Variants in ODAD2 observed in about 807,000 individuals in gnomAD.
ODAD2 encodes the protein outer dynein arm docking complex subunit 2, also known as outer dynein arm-docking complex subunit 2.
ODAD2 carries 89 observed loss-of-function variants against 106.8 expected under a neutral mutation model. The observed-to-expected ratio is 0.83, with a 90% CI of 0.70 to 0.99. ODAD2 has a LOEUF of 0.99. Ranked by LOEUF, ODAD2 falls within the 50% of genes least tolerant of loss-of-function variation. ODAD2 has a pLI of 0.00. For missense variants in ODAD2, 1,168 were observed against 1,238.5 expected (o/e 0.94, Z 0.85); for synonymous variants, 404 against 436.2 (o/e 0.93, Z 0.92).
intron 16 of ODAD2, among the ~76,000 whole-genome samples, chr10:27,913,230 A>C (rs1844132017): frequency 6.6e-6 from 1 of 152,056 alleles, no homozygotes; most frequent in Non-Finnish European, 1.5e-5. Flanking sequence ...TTTGTTACCC[A>C]GATAATAAGC....
chr10:27,993,990 G>A (rs1181215771), intron 2 of ODAD2, among the ~76,000 whole-genome samples: 1 of 151,286 alleles, frequency 6.6e-6, no homozygotes, highest in African/African-American at 2.4e-5. Flanking sequence ...GTGTGTGTGT[G>A]TGTGTGTGTG....
At chr10:27,933,831 G>A (rs766599376) in intron 16 of ODAD2, among the ~76,000 whole-genome samples, 2 of 152,296 alleles carry the variant, frequency 1.3e-5, no homozygotes, top group Non-Finnish European at 2.9e-5. Context: ...ATTCCTTAGT[G>A]TCTGAAACAC....
At chr10:27,982,460 T>C (rs1849613932) in intron 6 of ODAD2, among the ~76,000 whole-genome samples, 1 of 152,184 alleles carries the variant, frequency 6.6e-6, no homozygotes, top group Non-Finnish European at 1.5e-5. Flanking sequence ...AGAAAATCAT[T>C]CCTTCTTTTG....
chr10:27,839,676 CAT>C (rs1311312758), intron 19 of ODAD2, among the ~76,000 whole-genome samples: 1 of 152,124 alleles, frequency 6.6e-6, no homozygotes. Flanking sequence ...GTGGTTTAAA[CAT>C]AAAGTTGGGA....
chr10:27,935,717 C>T (rs374157754), intron 15 of ODAD2, among the ~76,000 whole-genome samples: 1 of 137,654 alleles, frequency 7.3e-6, no homozygotes, highest in South Asian at 2.3e-4. Context: ...AAAAAAAAGT[C>T]ACTCTCAGGT....
chr10:27,885,792 TAA>T (rs1345658024), intron 17 of ODAD2, among the ~76,000 whole-genome samples: 2,111 of 56,160 alleles, frequency 0.038, 131 homozygotes, highest in East Asian at 0.14. Flanking sequence ...ATATTATATA[TAA>T]TATATATAAA....
intron 17 of ODAD2, among the ~76,000 whole-genome samples, chr10:27,881,053 C>G (rs753392647): frequency 6.6e-6 from 1 of 152,174 alleles, no homozygotes; most frequent in African/African-American, 2.4e-5. Flanking sequence ...AACTACTTAA[C>G]TTCTCTAAGC....
intron 17 of ODAD2, among the ~76,000 whole-genome samples, chr10:27,905,690 C>T (rs1238440648): frequency 6.6e-6 from 1 of 152,134 alleles, no homozygotes; most frequent in African/African-American, 2.4e-5. Flanking sequence ...TGGAACAGAA[C>T]AGAGGCCTCA....
At chr10:27,829,696 A>T (rs1205988922) in intron 19 of ODAD2, among the ~76,000 whole-genome samples, 2 of 152,200 alleles carry the variant, frequency 1.3e-5, no homozygotes, top group African/African-American at 4.8e-5. Flanking sequence ...TTAATAAGCA[A>T]CTAGATATTA....
At chr10:27,950,923 A>G (rs932891772) in intron 10 of ODAD2, among the ~76,000 whole-genome samples, 6 of 152,204 alleles carry the variant, frequency 3.9e-5, no homozygotes, top group Non-Finnish European at 5.9e-5. Flanking sequence ...TAGTTCAATA[A>G]AGTGGACACA....
intron 17 of ODAD2, among the ~76,000 whole-genome samples, chr10:27,874,620 G>A (rs1841177594): frequency 6.6e-6 from 1 of 152,126 alleles, no homozygotes; most frequent in Non-Finnish European, 1.5e-5. Context: ...ATGAAGCTTA[G>A]TTTGGCTGGC....
At chr10:27,815,891 C>A (rs1589735300) in intron 19 of ODAD2, among the ~76,000 whole-genome samples, 2 of 152,202 alleles carry the variant, frequency 1.3e-5, no homozygotes, top group South Asian at 4.1e-4. Flanking sequence ...GCCATCTCCA[C>A]TTGGAAGTCT....
intron 9 of ODAD2, among the ~76,000 whole-genome samples, chr10:27,966,357 C>G (rs561400215): frequency 3.9e-5 from 6 of 152,156 alleles, no homozygotes; most frequent in Non-Finnish European, 8.8e-5. Flanking sequence ...TTGAGGAAAG[C>G]CTAAATTCAC....
chr10:27,982,694 G>T (rs76957305), intron 6 of ODAD2, among the ~76,000 whole-genome samples: 3 of 152,084 alleles, frequency 2.0e-5, no homozygotes, highest in Non-Finnish European at 4.4e-5. Flanking sequence ...GCAGTCCCCC[G>T]TGATGGCTGG....
chr10:27,921,521 T>TAA (rs551485004), intron 16 of ODAD2, among the ~76,000 whole-genome samples: 14 of 146,852 alleles, frequency 9.5e-5, no homozygotes, highest in African/African-American at 3.5e-4. Context: ...TTCCAGTAAT[T>TAA]AAAAAAAAAA....
intron 2 of ODAD2, among the ~76,000 whole-genome samples, chr10:27,989,754 G>A (rs1322494648): frequency 1.3e-5 from 2 of 152,136 alleles, no homozygotes; most frequent in African/African-American, 4.8e-5. Flanking sequence ...AGGCTGAGGT[G>A]GGAGGATCAC....
intron 19 of ODAD2, among the ~76,000 whole-genome samples, chr10:27,847,782 C>T (rs1838894025): frequency 6.6e-6 from 1 of 151,988 alleles, no homozygotes; most frequent in Non-Finnish European, 1.5e-5. Flanking sequence ...CAATAACAGA[C>T]AAACAGAGAG....
At chr10:27,984,039 G>A (rs1246036840) in intron 5 of ODAD2, 60 bp from the exon 6 acceptor site, 2 of 1,570,360 alleles carry the variant, frequency 1.3e-6, no homozygotes, top group Non-Finnish European at 1.7e-6. Context: ...GGTAAAAAGT[G>A]TTGGCTTCCA....
chr10:27,998,338 G>A (rs1347589953), intron 1 of ODAD2, among the ~76,000 whole-genome samples: 1 of 152,136 alleles, frequency 6.6e-6, no homozygotes, highest in South Asian at 2.1e-4. Flanking sequence ...CACCAGACTC[G>A]TTACAAGAAG....
Sources: allele counts gnomAD v4.1 joint callset (sites outside exome capture counted in the v4.1 genomes callset), GRCh38; gene constraint gnomAD v4.1.1; transcripts MANE v1.5; gene names NCBI Gene and HGNC (gene_info 2026-07-23, HGNC 2026-07-21).